The following LOC400499 variants were observed in gnomAD, a reference collection of about 807,000 sequenced individuals.
At chr16:11,434,171 G>A in the LOC400499 span, among the ~76,000 whole-genome samples, 1 of 152,098 alleles carries the variant, frequency 6.6e-6, no homozygotes, top group African/African-American at 2.4e-5. Context: ...GCAGAACCTA[G>A]GTTCTTCCAC....
the LOC400499 span, among the ~76,000 whole-genome samples, chr16:11,449,827 C>G: frequency 6.6e-6 from 1 of 152,258 alleles, no homozygotes; most frequent in South Asian, 2.1e-4. Flanking sequence ...TTCACTCCTT[C>G]CCCACCACTA....
chr16:11,406,353 C>T, the LOC400499 span, among the ~76,000 whole-genome samples: 105 of 152,288 alleles, frequency 6.9e-4, no homozygotes, highest in African/African-American at 2.4e-3. Flanking sequence ...TTCTTTTTTC[C>T]GGCTGTGTAA....
chr16:11,492,921 T>G, the LOC400499 span, among the ~76,000 whole-genome samples: 5 of 152,192 alleles, frequency 3.3e-5, no homozygotes, highest in Admixed American at 3.3e-4. Context: ...TGAAAGTGCC[T>G]TTTAAGCTAA....
At chr16:11,415,253 C>G in the LOC400499 span, among the ~76,000 whole-genome samples, 1 of 152,208 alleles carries the variant, frequency 6.6e-6, no homozygotes, top group Non-Finnish European at 1.5e-5. Context: ...CTTTGCTATA[C>G]AGAGAAACTC....
chr16:11,475,804 G>A, the LOC400499 span: 6 of 395,306 alleles, frequency 1.5e-5, no homozygotes, highest in Admixed American at 2.6e-4. Context: ...GCTTGGCACA[G>A]GGGCAAATTC....
chr16:11,400,938 G>A, the LOC400499 span, among the ~76,000 whole-genome samples: 22 of 152,112 alleles, frequency 1.4e-4, no homozygotes, highest in Admixed American at 9.8e-4. Flanking sequence ...GAGCCCAGCT[G>A]CCTCACTCAG....
the LOC400499 span, among the ~76,000 whole-genome samples, chr16:11,524,124 C>T: frequency 2.2e-5 from 1 of 44,938 alleles, no homozygotes; most frequent in Non-Finnish European, 4.6e-5. Flanking sequence ...CTTCCACCTC[C>T]TATCCATCCA....
the LOC400499 span, among the ~76,000 whole-genome samples, chr16:11,413,677 AGAT>A: frequency 6.6e-6 from 1 of 152,162 alleles, no homozygotes; most frequent in Non-Finnish European, 1.5e-5. Flanking sequence ...TGTGACCCAG[AGAT>A]GATGATGATG....
chr16:11,403,720 G>A, the LOC400499 span, among the ~76,000 whole-genome samples: 3 of 152,176 alleles, frequency 2.0e-5, no homozygotes, highest in Non-Finnish European at 4.4e-5. Flanking sequence ...ACTAAGTCTT[G>A]TGGCTGCCCA....
the LOC400499 span, among the ~76,000 whole-genome samples, chr16:11,408,339 T>A: frequency 2.0e-5 from 3 of 152,176 alleles, no homozygotes. Context: ...TGATACCCCT[T>A]GTCAAAAATG....
chr16:11,509,573 G>A, the LOC400499 span, among the ~76,000 whole-genome samples: 1 of 150,822 alleles, frequency 6.6e-6, no homozygotes, highest in East Asian at 2.0e-4. Context: ...GCTCATGCCT[G>A]TAATCCCAGC....
the LOC400499 span, among the ~76,000 whole-genome samples, chr16:11,518,692 C>T: frequency 5.9e-5 from 9 of 152,230 alleles, no homozygotes; most frequent in East Asian, 9.7e-4. Flanking sequence ...CGGTCTTCAT[C>T]GGTGCTTGAC....
chr16:11,517,566 G>A, the LOC400499 span, among the ~76,000 whole-genome samples: 40 of 152,312 alleles, frequency 2.6e-4, no homozygotes, highest in African/African-American at 8.9e-4. Flanking sequence ...GGCTGGCTGT[G>A]GAGTCACAGG....
At chr16:11,372,922 C>T in the LOC400499 span, among the ~76,000 whole-genome samples, 2 of 151,756 alleles carry the variant, frequency 1.3e-5, no homozygotes, top group South Asian at 2.1e-4. Flanking sequence ...GTCAATGAGT[C>T]CCCTACAGCT....
the LOC400499 span, among the ~76,000 whole-genome samples, chr16:11,512,452 A>G: frequency 6.6e-6 from 1 of 151,866 alleles, no homozygotes; most frequent in African/African-American, 2.4e-5. Flanking sequence ...AAAACACAAA[A>G]ATCAGCCAGG....
chr16:11,488,289 G>A, the LOC400499 span, among the ~76,000 whole-genome samples: 9,293 of 152,122 alleles, frequency 0.061, 556 homozygotes, highest in East Asian at 0.3. Flanking sequence ...GAGAAAAGAT[G>A]TAAGTATTCA....
chr16:11,393,584 G>C, the LOC400499 span: 6 of 1,232,216 alleles, frequency 4.9e-6, no homozygotes, highest in Non-Finnish European at 2.0e-6. Flanking sequence ...GCAGAGGCCT[G>C]AGTGGAGCCT....
the LOC400499 span, chr16:11,461,980 G>A: frequency 1.3e-6 from 1 of 786,584 alleles, no homozygotes; most frequent in Non-Finnish European, 1.8e-6. Flanking sequence ...GGGCTCACAT[G>A]GAGCTTGGAT....
the LOC400499 span, chr16:11,471,778 G>T: frequency 5.0e-5 from 20 of 399,184 alleles, no homozygotes; most frequent in Non-Finnish European, 8.4e-5. Context: ...CACCGGCCAG[G>T]TCACTCCAGT....
Sources: allele counts gnomAD v4.1 joint callset (sites outside exome capture counted in the v4.1 genomes callset), GRCh38; gene constraint gnomAD v4.1.1; transcripts MANE v1.5.